Variants in DENND4C observed in about 807,000 individuals in gnomAD.
The protein encoded by DENND4C is DENN domain containing 4C.
DENND4C carries 108 observed loss-of-function variants against 203.0 expected under a neutral mutation model. The ratio of observed to expected loss-of-function variants is 0.53; its 90% CI spans 0.46 to 0.62. DENND4C has a LOEUF of 0.62. DENND4C is among the 20% of genes least tolerant of loss of function. The pLI is 0.00. For synonymous variants in DENND4C, 871 were observed against 792.4 expected, an observed-to-expected ratio of 1.10 and a Z score of -1.67; for missense variants, 2,481 against 2,301.2, an observed-to-expected ratio of 1.08 and a Z score of -1.60.
At chr9:19,360,007 T>TAGAGA (rs1588985619) in intron 28 of DENND4C, among the ~76,000 whole-genome samples, 1 of 152,206 alleles carries the variant, frequency 6.6e-6, no homozygotes, top group African/African-American at 2.4e-5. Flanking sequence ...CTCAGTGTGA[T>TAGAGA]AGAGAACATG....
At chr9:19,298,558 G>A (rs1563776595) in intron 7 of DENND4C, among the ~76,000 whole-genome samples, 1 of 152,074 alleles carries the variant, frequency 6.6e-6, no homozygotes, top group Admixed American at 6.5e-5. Context: ...ACGTAGGTAG[G>A]TGTACAGCTT....
At chr9:19,292,170 T>G (rs1423564446) in intron 5 of DENND4C, 5 of 151,610 alleles carry the variant, frequency 3.3e-5, no homozygotes, top group Non-Finnish European at 5.9e-5. Context: ...ATTACAGGTG[T>G]GCGTCACCAC....
chr9:19,240,294 C>G (rs1453810426), intron 1 of DENND4C, among the ~76,000 whole-genome samples: 1 of 152,096 alleles, frequency 6.6e-6, no homozygotes, highest in East Asian at 1.9e-4. Context: ...TATTACTGTA[C>G]TGATACTCTA....
At chr9:19,250,548 G>A (rs756232868) in intron 1 of DENND4C, among the ~76,000 whole-genome samples, 6 of 152,086 alleles carry the variant, frequency 3.9e-5, no homozygotes, top group Non-Finnish European at 8.8e-5. Flanking sequence ...AACTCATTTT[G>A]ACATTAACTC....
rs748670959 is a variant in DENND4C at position 19,347,058 on chromosome 9, C to T, written c.4289C>T (p.Ala1430Val). 8.1e-6 allele frequency: 13 copies of T among 1,613,714 alleles called. No individual in the cohort carries two copies. Among genetic ancestry groups the T allele is most frequent in the South Asian group, 4.4e-5 (4 of 91,076 alleles). Residue 1430 changes from alanine (A) to valine (V), a missense_variant, in exon 23 of 33, where the codon GCG (alanine) becomes GTG (valine). Coordinates refer to ENST00000434457, the MANE Select transcript of DENND4C (RefSeq NM_001330640.2). ...TVASKMWVAV[A>V]SAYSYSDDEE... Reference sequence around the variant, plus strand: ...GCCAGTAAGATGTGGGTAGCTGTTGCGTCTGCCTACAGCTACTCAGATGAT... The same window carrying T: ...GCCAGTAAGATGTGGGTAGCTGTTGTGTCTGCCTACAGCTACTCAGATGAT...
At chr9:19,259,922 T>C (rs543065341) in intron 1 of DENND4C, among the ~76,000 whole-genome samples, 1 of 152,320 alleles carries the variant, frequency 6.6e-6, no homozygotes, top group Non-Finnish European at 1.5e-5. Flanking sequence ...GCAATAAACA[T>C]GGGAGTGTCA....
rs1174422392 is a variant in DENND4C, at chr9:19,288,577, C to G, written c.559-19C>G. The stretch of plus-strand genomic sequence containing the variant: ...TTCACTCTTTTGTCTTTTTTATAAA[C>G]CTAATTCATGTTTTACAGTGGGGTT... On this transcript the variant is annotated intron_variant, in intron 3 of 32. Transcript: ENST00000434457. 5 of 1,226,694 alleles carry G rather than the reference C, an allele frequency of 4.1e-6. No homozygotes were observed. Among genetic ancestry groups the G allele is most frequent in the Non-Finnish European group, 1.0e-6 (1 of 983,522 alleles). The allele number at this position is 1,226,694 out of a possible 1,614,324, so 76.0% of individuals were successfully genotyped here.
At position 19,361,922 on chromosome 9, in the gene DENND4C, A is replaced by G; in HGVS notation, c.5483A>G (p.Gln1828Arg). The G allele has an allele frequency of 6.2e-7, 1 of 1,610,968 alleles. No individual in the cohort carries two copies. Among genetic ancestry groups the G allele is most frequent in the Non-Finnish European group, 8.5e-7 (1 of 1,177,230 alleles). Residue 1828 changes from glutamine (Q) to arginine (R), a missense_variant, in exon 30 of 33, where the codon CAG (glutamine) becomes CGG (arginine). Physicochemically the swap from Gln to Arg is conservative, Grantham distance 43. Coordinates refer to ENST00000434457, the MANE Select transcript of DENND4C (RefSeq NM_001330640.2). Reference protein sequence around the residue: ...QLLWDNINLHQEPREPLYVSW... With the variant: ...QLLWDNINLHREPREPLYVSW... ...TTATGGGATAATATCAACCTTCATC[A>G]GGAACCAAGAGAACCTCTGTATGTC...
At chr9:19,363,993 A>G (rs1239678267) in intron 30 of DENND4C, among the ~76,000 whole-genome samples, 5 of 152,120 alleles carry the variant, frequency 3.3e-5, no homozygotes, top group African/African-American at 1.2e-4. Context: ...CAGCCTGGGC[A>G]TCGCAGCAAG....
chr9:19,327,212 A>C (rs1020877847), intron 15 of DENND4C, among the ~76,000 whole-genome samples: 13 of 152,106 alleles, frequency 8.5e-5, no homozygotes, highest in African/African-American at 3.1e-4. Context: ...CAAATATGGA[A>C]AGGCGCTATA....
chr9:19,356,798 A>G (rs951029955), intron 26 of DENND4C, among the ~76,000 whole-genome samples, 174 bp from the exon 27 acceptor site: 9 of 151,244 alleles, frequency 6.0e-5, no homozygotes, highest in Admixed American at 5.9e-4. Flanking sequence ...TGAGAGAGAG[A>G]GAGAGAGAGA....
chr9:19,336,172 T>C, intron 18 of DENND4C, 98 bp from the exon 19 acceptor site: 2 of 811,292 alleles, frequency 2.5e-6, no homozygotes, highest in Non-Finnish European at 3.2e-6. Flanking sequence ...TATATTTGTG[T>C]ATATATATAT....
At chr9:19,273,027 C>T (rs1832084537) in intron 1 of DENND4C, among the ~76,000 whole-genome samples, 2 of 148,836 alleles carry the variant, frequency 1.3e-5, no homozygotes, top group East Asian at 2.0e-4. Flanking sequence ...TGGCTCACTG[C>T]AAGCTCCACC....
At chr9:19,309,751 T>A (rs1056207369) in intron 10 of DENND4C, among the ~76,000 whole-genome samples, 7 of 152,132 alleles carry the variant, frequency 4.6e-5, no homozygotes, top group Non-Finnish European at 8.8e-5. Context: ...AAATTTTTTT[T>A]AATTGATATC....
intron 3 of DENND4C, among the ~76,000 whole-genome samples, chr9:19,288,076 A>G: frequency 6.6e-6 from 1 of 152,232 alleles, no homozygotes; most frequent in Admixed American, 6.5e-5. Context: ...GAAGAAGAAA[A>G]TGAACATAAA....
At chr9:19,313,329 A>G (rs1422192823) in intron 10 of DENND4C, among the ~76,000 whole-genome samples, 1 of 152,210 alleles carries the variant, frequency 6.6e-6, no homozygotes, top group Non-Finnish European at 1.5e-5. Context: ...GATTAGATGA[A>G]ATGTAGTTCA....
chr9:19,342,851 A>G (rs1003633403), intron 22 of DENND4C, 72 bp downstream of exon 22: 36 of 1,269,996 alleles, frequency 2.8e-5, no homozygotes, highest in Non-Finnish European at 3.7e-5. Flanking sequence ...CTTTAATGAC[A>G]TTAAATTTTT....
chr9:19,251,731 A>G (rs759432993), intron 1 of DENND4C, among the ~76,000 whole-genome samples: 2 of 152,166 alleles, frequency 1.3e-5, no homozygotes, highest in Non-Finnish European at 2.9e-5. Context: ...AATCTCTAGG[A>G]CAGGAGCAAA....
At chr9:19,336,466 G>A (rs1820498513) in intron 19 of DENND4C, 52 bp downstream of exon 19, 1 of 1,555,822 alleles carries the variant, frequency 6.4e-7, no homozygotes, top group Non-Finnish European at 8.7e-7. Context: ...GAGCTTTATA[G>A]GCATATGAAT....
Sources: allele counts gnomAD v4.1 joint callset (sites outside exome capture counted in the v4.1 genomes callset), GRCh38; gene constraint gnomAD v4.1.1; transcripts MANE v1.5; gene names NCBI Gene and HGNC (gene_info 2026-07-23, HGNC 2026-07-21).